CDH8: variants seen among roughly 807,000 people sequenced by gnomAD.
The protein encoded by CDH8 is cadherin 8.
Under a neutral mutation model 68.1 loss-of-function variants are expected in CDH8, and 17 were observed. That is an observed-to-expected ratio of 0.25 (90% CI 0.17 to 0.37). The LOEUF (loss-of-function observed/expected upper bound fraction) is 0.37, where lower values mean the gene tolerates loss of function less well. Among genes scored for constraint, CDH8 ranks in the 10% least tolerant of loss-of-function variants. The pLI, the probability that CDH8 is intolerant of heterozygous loss-of-function variation, is 1.00. For synonymous variants in CDH8, 372 were observed against 365.1 expected (o/e 1.02, Z -0.21); for missense variants, 763 against 999.3 (o/e 0.76, Z 3.19).
chr16:61,962,157 AGAG>A (rs750665758), intron 2 of CDH8, among the ~76,000 whole-genome samples: 11 of 152,146 alleles, frequency 7.2e-5, no homozygotes, highest in African/African-American at 2.2e-4. Flanking sequence ...GAGTAGCTGA[AGAG>A]GAGGAGGAGG....
chr16:61,979,369 A>T (rs1301565891), intron 2 of CDH8, among the ~76,000 whole-genome samples: 1 of 152,196 alleles, frequency 6.6e-6, no homozygotes, highest in Non-Finnish European at 1.5e-5. Context: ...ATAAAATAAA[A>T]AACTTTTATT....
At chr16:62,026,525 T>C (rs1328252319) in intron 1 of CDH8, among the ~76,000 whole-genome samples, 1 of 152,210 alleles carries the variant, frequency 6.6e-6, no homozygotes, top group Non-Finnish European at 1.5e-5. Context: ...TTGAATGTCA[T>C]GCCATGAACT....
chr16:62,019,096 G>C (rs570019155), intron 2 of CDH8, among the ~76,000 whole-genome samples: 25 of 152,304 alleles, frequency 1.6e-4, no homozygotes, highest in African/African-American at 4.6e-4. Context: ...ACTAAGAAAA[G>C]CAAGGAACAA....
At chr16:61,952,143 T>C (rs944533728) in intron 2 of CDH8, among the ~76,000 whole-genome samples, 11 of 152,210 alleles carry the variant, frequency 7.2e-5, no homozygotes, top group African/African-American at 2.7e-4. Flanking sequence ...ATTATAATTC[T>C]CATTATTAAT....
chr16:61,804,314 A>G lies in CDH8; in HGVS notation c.1277+13165T>C, dbSNP rs1282382727. ...TACCAGAATCTCTGGGACACATTCA[A>G]AACAGTGTGTAGAGGGAAATTTATA... is the stretch of plus-strand genomic sequence containing the variant. On this transcript the variant is annotated intron_variant, in intron 7 of 11. Coordinates refer to ENST00000577390, the MANE Select transcript of CDH8 (RefSeq NM_001796.5). Among the ~76,000 whole-genome samples, 7 of 152,230 alleles carry G rather than the reference A, an allele frequency of 4.6e-5. No homozygotes were observed. In the East Asian group the frequency reaches 1.2e-3, roughly 25 times the overall value.
At chr16:62,011,668 T>C (rs997032318) in intron 2 of CDH8, among the ~76,000 whole-genome samples, 1 of 102,432 alleles carries the variant, frequency 9.8e-6, no homozygotes, top group African/African-American at 3.3e-5. Flanking sequence ...GACCTGGGGG[T>C]AGTGTTAAAA....
At chr16:61,723,102 C>G (rs1959242134) in intron 9 of CDH8, among the ~76,000 whole-genome samples, 1 of 150,744 alleles carries the variant, frequency 6.6e-6, no homozygotes, top group Admixed American at 6.7e-5. Flanking sequence ...AATTCAGTCC[C>G]TGCACTGATA....
At chr16:61,992,077 T>TGTGTGTGTGTGTGTGTGTGTGTGTGAGA (rs34925928) in intron 2 of CDH8, among the ~76,000 whole-genome samples, 3 of 144,126 alleles carry the variant, frequency 2.1e-5, no homozygotes, top group African/African-American at 5.2e-5. Context: ...TGTGTGTGTG[T>TGTGTGTGTGTGTGTGTGTGTGTGTGAGA]GAGAGAGAGA....
At chr16:61,803,723 G>A (rs1961719594) in intron 7 of CDH8, among the ~76,000 whole-genome samples, 2 of 147,374 alleles carry the variant, frequency 1.4e-5, no homozygotes. Flanking sequence ...GACAAAGAAG[G>A]CCATTACATA....
chr16:61,917,194 C>T (rs1964253829), intron 2 of CDH8, among the ~76,000 whole-genome samples: 1 of 149,360 alleles, frequency 6.7e-6, no homozygotes, highest in African/African-American at 2.5e-5. Context: ...TTCCTGCTGG[C>T]TGAGTTTTAG....
chr16:62,021,140 A>C lies in CDH8; in HGVS notation c.252+12T>G, dbSNP rs1249471116. On this transcript the variant is annotated intron_variant, in intron 2 of 11. Transcript: ENST00000577390. ...CAGACCCTGAAATTGAGATCTTAAAAACAAAGCTTACCCGGCCAACAAGAA... is the reference window on the plus strand; with the variant it reads ...CAGACCCTGAAATTGAGATCTTAAACACAAAGCTTACCCGGCCAACAAGAA... 1 of 1,613,056 alleles carries C rather than the reference A, an allele frequency of 6.2e-7. No homozygotes were observed.
In CDH8 at chr16:61,790,301, A is replaced by C. The variant is rs370799625; in HGVS notation, c.1278-819T>G. Among the ~76,000 whole-genome samples, 108 of 152,156 alleles carry C rather than the reference A, an allele frequency of 7.1e-4. 3 individuals carry two copies. In the South Asian group the frequency reaches 0.021, roughly 29 times the overall value. On this transcript the variant is annotated intron_variant, in intron 7 of 11. Coordinates refer to ENST00000577390, the MANE Select transcript of CDH8 (RefSeq NM_001796.5). ...GGGTAGTATCAAGACAAAGAAAAGAAATTATTCTCACGACATTTATTAATA... is the reference window on the plus strand; with the variant it reads ...GGGTAGTATCAAGACAAAGAAAAGACATTATTCTCACGACATTTATTAATA...
intron 2 of CDH8, among the ~76,000 whole-genome samples, chr16:61,982,249 T>C (rs1363994500): frequency 6.6e-6 from 1 of 152,100 alleles, no homozygotes; most frequent in Non-Finnish European, 1.5e-5. Flanking sequence ...AGACAGAGTC[T>C]CGCTCTATCG....
intron 10 of CDH8, among the ~76,000 whole-genome samples, chr16:61,660,822 T>C (rs1483635940): frequency 1.3e-5 from 2 of 152,056 alleles, no homozygotes; most frequent in Non-Finnish European, 2.9e-5. Context: ...AGCAGAGCTA[T>C]CTTTCAAAAT....
chr16:61,702,414 C>T (rs1239108274), intron 10 of CDH8, among the ~76,000 whole-genome samples: 1 of 151,786 alleles, frequency 6.6e-6, no homozygotes, highest in Non-Finnish European at 1.5e-5. Flanking sequence ...ATAAGTCAGT[C>T]ATACTTTATT....
intron 1 of CDH8, among the ~76,000 whole-genome samples, chr16:62,024,865 C>T (rs189564617): frequency 2.0e-5 from 3 of 152,166 alleles, no homozygotes; most frequent in Admixed American, 6.5e-5. Context: ...TCTTTTTGAA[C>T]AAGACCGTTC....
intron 7 of CDH8, among the ~76,000 whole-genome samples, chr16:61,791,646 A>G (rs900178040): frequency 2.6e-5 from 4 of 152,144 alleles, no homozygotes; most frequent in Admixed American, 6.6e-5. Context: ...GATCACTGAT[A>G]CTCATGAATC....
At chr16:61,846,970 C>T (rs772286641) in intron 4 of CDH8, among the ~76,000 whole-genome samples, 11 of 152,094 alleles carry the variant, frequency 7.2e-5, no homozygotes, top group African/African-American at 1.2e-4. Context: ...CCACTATCAA[C>T]AATCCCATAG....
chr16:61,727,159 C>T lies in CDH8; in HGVS notation c.1471G>A (p.Asp491Asn), dbSNP rs1032785863. 6.2e-7 allele frequency: 1 copy of T among 1,610,246 alleles called. No individual in the cohort carries two copies. Among genetic ancestry groups the T allele is most frequent in the Non-Finnish European group, 8.5e-7 (1 of 1,177,572 alleles). The change falls in exon 9 of 12, where the codon GAC (aspartate) becomes AAC (asparagine). Residue 491 changes from aspartate (D) to asparagine (N), a missense_variant. Asp to Asn is a conservative substitution (Grantham distance 23, BLOSUM62 1). Around this residue, in one of 2 missense-constraint regions of CDH8, gnomAD observed 397 missense variants for 436.2 expected, o/e 0.91. Coordinates refer to ENST00000577390, the MANE Select transcript of CDH8 (RefSeq NM_001796.5). ...TCGGATGCGAATTCAGGGGCGTTGTCATTGACATCCAGCACTTTAATAGCA... is the reference window on the plus strand; with the variant it reads ...TCGGATGCGAATTCAGGGGCGTTGTTATTGACATCCAGCACTTTAATAGCA... Reference protein sequence around the residue: ...PVAIKVLDVNDNAPEFASEYE... With the variant: ...PVAIKVLDVNNNAPEFASEYE...
Sources: allele counts gnomAD v4.1 joint callset (sites outside exome capture counted in the v4.1 genomes callset), GRCh38; gene constraint gnomAD v4.1.1; regional missense constraint gnomAD v4.1.1; transcripts MANE v1.5; gene names NCBI Gene and HGNC (gene_info 2026-07-23, HGNC 2026-07-21).